BUD13: variants seen among roughly 807,000 people sequenced by gnomAD.
The protein encoded by BUD13 is BUD13 homolog.
In BUD13, 47 loss-of-function variants were observed where a neutral mutation model predicts 62.5. That is an observed-to-expected ratio of 0.75 (90% CI 0.60 to 0.96). The LOEUF (loss-of-function observed/expected upper bound fraction) is 0.96. Among genes scored for constraint, BUD13 ranks in the 40% least tolerant of loss-of-function variants. The probability of loss-of-function intolerance (pLI) is 0.00; values close to 1 mark genes in which losing one functional copy is unlikely to be tolerated. For synonymous variants in BUD13, 293 were observed against 280.1 expected (o/e 1.05, Z -0.46); for missense variants, 821 against 790.9 (o/e 1.04, Z -0.46).
chr11:116,763,312 C>T, intron 3 of BUD13, 46 bp from the exon 4 acceptor site: 1 of 1,481,124 alleles, frequency 6.8e-7, no homozygotes, highest in Non-Finnish European at 9.1e-7. Flanking sequence ...ATGCTCTGTC[C>T]CTCTGTCCAC....
At chr11:116,758,018 C>T (rs1241750224) in intron 7 of BUD13, 68 bp from the exon 8 acceptor site, 3 of 1,568,826 alleles carry the variant, frequency 1.9e-6, no homozygotes, top group Non-Finnish European at 1.7e-6. Context: ...CGAGATGGAC[C>T]ATACTGCTAA....
intron 9 of BUD13, among the ~76,000 whole-genome samples, chr11:116,750,356 G>A (rs1940211837): frequency 6.6e-6 from 1 of 152,126 alleles, no homozygotes; most frequent in Non-Finnish European, 1.5e-5. Context: ...GCATTCTCTT[G>A]GTCTTCTTAT....
chr11:116,748,625 T>C, intron 9 of BUD13, 50 bp from the exon 10 acceptor site: 2 of 1,544,632 alleles, frequency 1.3e-6, no homozygotes, highest in Non-Finnish European at 1.8e-6. Flanking sequence ...AAAGGGGCAT[T>C]TGTTTCAAAA....
rs952710015 is a variant in BUD13, at chr11:116,757,215, T to C, written c.1697A>G (p.Tyr566Cys). The change falls in exon 9 of 10, where the codon TAC becomes TGC. Residue 566 changes from tyrosine (Y) to cysteine (C), a missense_variant. Tyr to Cys is a radical substitution (Grantham distance 194). Transcript: ENST00000260210. ...ENKNKKVRPR[Y>C]SGPAPPPNRF... Reference sequence around the variant, plus strand: ...GTTGGGAGGAGGTGCTGGACCACTGTAGCGAGGTCTCACTAATGAGAGGAG... The same window carrying C: ...GTTGGGAGGAGGTGCTGGACCACTGCAGCGAGGTCTCACTAATGAGAGGAG... 6.2e-7 allele frequency: 1 copy of C among 1,614,120 alleles called. No homozygotes were observed. The highest frequency in any genetic ancestry group is 2.2e-5 in the East Asian group (1 of 44,884).
chr11:116,758,209 C>A (rs1940365777), intron 7 of BUD13, 60 bp downstream of exon 7: 1 of 1,597,550 alleles, frequency 6.3e-7, no homozygotes, highest in East Asian at 2.2e-5. Context: ...ATCAGAAGAG[C>A]AGAGAAATGA....
Position 116,760,851 on chromosome 11 carries a change from T to G in BUD13, c.1138A>C (p.Arg380=). ...GAATCAGAGCTCCGGTGTCTAGGTCTATTCCGTGGAGGTGACAGATCTGAA... is the reference window on the plus strand; with the variant it reads ...GAATCAGAGCTCCGGTGTCTAGGTCGATTCCGTGGAGGTGACAGATCTGAA... The part of the protein sequence containing the change: ...SDSDLSPPRN[R]PRHRSSDSDL... The change falls in exon 5 of 10, where the codon AGA becomes CGA. Residue 380 remains arginine, a synonymous_variant. Coordinates refer to ENST00000260210, the MANE Select transcript of BUD13 (RefSeq NM_032725.4). The G allele has an allele frequency of 3.7e-6, 6 of 1,614,158 alleles. No individual in the cohort carries two copies. Among genetic ancestry groups the G allele is most frequent in the Non-Finnish European group, 5.1e-6 (6 of 1,180,006 alleles).
intron 3 of BUD13, 141 bp downstream of exon 3, chr11:116,765,221 A>T (rs1940510674): frequency 1.2e-6 from 1 of 820,094 alleles, no homozygotes; most frequent in Non-Finnish European, 1.9e-6. Flanking sequence ...GAAGAAGTCC[A>T]ACTTCCTTTT....
rs1565313457 is a variant in BUD13, at chr11:116,760,968, GA to G, written c.1037-17del. On this transcript the variant is annotated splice_polypyrimidine_tract_variant and intron_variant, in intron 4 of 9. Transcript: ENST00000260210. ...TGGCAGTCACCTGGATAGGAGCAAA[GA>G]ATCTGTGTGACTCTGATGTCCTCTA... 1 of 1,606,676 alleles carries G rather than the reference GA, an allele frequency of 6.2e-7. No individual in the cohort carries two copies. The highest frequency in any genetic ancestry group is 1.1e-5 in the South Asian group (1 of 90,758).
At position 116,748,262 on chromosome 11, in the gene BUD13, C is replaced by T; in HGVS notation, c.*220G>A. On this transcript the variant is annotated 3_prime_UTR_variant, in exon 10 of 10. Transcript: ENST00000260210. ...CTGGTCAATGAGAAATCAATGCTTC[C>T]TCTGAAAGCCAGCAACAGCCGGTGC... is the stretch of plus-strand genomic sequence containing the variant. 2.1e-6 allele frequency: 1 copy of T among 486,306 alleles called. No individual in the cohort carries two copies. Among genetic ancestry groups the T allele is most frequent in the South Asian group, 3.6e-5 (1 of 27,458 alleles). 30.1% of individuals were successfully genotyped at this position (486,306 alleles called of 1,614,324 possible).
intron 9 of BUD13, among the ~76,000 whole-genome samples, chr11:116,752,678 A>C (rs1418399913): frequency 6.6e-6 from 1 of 152,246 alleles, no homozygotes; most frequent in Non-Finnish European, 1.5e-5. Context: ...GCCTACATAC[A>C]GTGAACTGCA....
intron 9 of BUD13, among the ~76,000 whole-genome samples, chr11:116,756,900 G>C (rs939869081): frequency 1.3e-5 from 2 of 152,048 alleles, no homozygotes; most frequent in African/African-American, 4.8e-5. Context: ...CAAAACAAAG[G>C]GTGTCTTATC....
At chr11:116,754,191 G>C (rs966820326) in intron 9 of BUD13, among the ~76,000 whole-genome samples, 1 of 152,154 alleles carries the variant, frequency 6.6e-6, no homozygotes, top group South Asian at 2.1e-4. Flanking sequence ...GACTATAGGC[G>C]TGTGCCACCA....
intron 1 of BUD13, 94 bp from the exon 2 acceptor site, chr11:116,770,316 C>T: frequency 2.0e-6 from 2 of 1,024,316 alleles, no homozygotes; most frequent in South Asian, 1.6e-5. Flanking sequence ...CAAAATCCTA[C>T]AGGATCCTGC....
chr11:116,769,883 T>G (rs1172094730), intron 2 of BUD13, among the ~76,000 whole-genome samples: 2 of 151,730 alleles, frequency 1.3e-5, no homozygotes, highest in Non-Finnish European at 2.9e-5. Flanking sequence ...GAAACCCCAT[T>G]TCTACAAAAA....
Position 116,765,433 on chromosome 11 carries a change from A to G in BUD13, c.251T>C (p.Val84Ala), listed in dbSNP as rs762118373. 18 of 1,614,036 alleles carry G rather than the reference A, an allele frequency of 1.1e-5. No individual in the cohort carries two copies. Among genetic ancestry groups the G allele is most frequent in the Non-Finnish European group, 1.4e-5 (17 of 1,180,016 alleles). The change falls in exon 3 of 10, where the codon GTG (valine) becomes GCG (alanine). Residue 84 changes from valine (V) to alanine (A), a missense_variant. Physicochemically the swap from Val to Ala is moderately conservative, Grantham distance 64. Transcript: ENST00000260210. ...CTTTACCTCTTCTGGCCGCTCATCC[A>G]CAAACTCTGCCACCTGTGAGAGTAA... ...DGDLPVVAEF[V>A]DERPEEVKQM...
chr11:116,769,510 T>C (rs1278793113), intron 2 of BUD13, among the ~76,000 whole-genome samples: 1 of 152,204 alleles, frequency 6.6e-6, no homozygotes, highest in Non-Finnish European at 1.5e-5. Context: ...AACCTCAGCA[T>C]TGTTTTTAAG....
chr11:116,758,633 GT>G (rs1390775358), intron 6 of BUD13, among the ~76,000 whole-genome samples: 1 of 143,772 alleles, frequency 7.0e-6, no homozygotes, highest in Non-Finnish European at 1.5e-5. Flanking sequence ...TGTTGCCCAG[GT>G]TGGAGTGCAG....
chr11:116,764,276 ACTGATGAATACTTG>A (rs1428451299), intron 3 of BUD13, among the ~76,000 whole-genome samples: 1 of 152,208 alleles, frequency 6.6e-6, no homozygotes, highest in Non-Finnish European at 1.5e-5. Context: ...CTGGGTAGGA[ACTGATGAATACTTG>A]TTAAATGGAT....
At chr11:116,749,439 G>A (rs1940195983) in intron 9 of BUD13, among the ~76,000 whole-genome samples, 1 of 152,158 alleles carries the variant, frequency 6.6e-6, no homozygotes. Flanking sequence ...GTGACATGAG[G>A]GTTGGGCAAG....
Sources: allele counts gnomAD v4.1 joint callset (sites outside exome capture counted in the v4.1 genomes callset), GRCh38; gene constraint gnomAD v4.1.1; transcripts MANE v1.5; gene names NCBI Gene and HGNC (gene_info 2026-07-23, HGNC 2026-07-21).